The following EGFLAM variants were observed in gnomAD, a reference collection of about 807,000 sequenced individuals.
EGFLAM encodes the protein EGF like, fibronectin type III and laminin G domains, also known as pikachurin.
A neutral mutation model predicts 113.1 loss-of-function variants in EGFLAM; 79 were observed. The observed-to-expected ratio is 0.70, with a 90% confidence interval of 0.58 to 0.84. The LOEUF (loss-of-function observed/expected upper bound fraction) is 0.84, where lower values mean the gene tolerates loss of function less well. Among genes scored for constraint, EGFLAM ranks in the 40% least tolerant of loss-of-function variants. The probability of loss-of-function intolerance (pLI) is 0.00; values close to 1 mark genes in which losing one functional copy is unlikely to be tolerated. For missense variants in EGFLAM, 1,265 were observed against 1,291.6 expected, an observed-to-expected ratio of 0.98 and a Z score of 0.32; for synonymous variants, 504 against 487.6, an observed-to-expected ratio of 1.03 and a Z score of -0.44.
At chr5:38,272,881 C>A (rs1276164165) in intron 1 of EGFLAM, among the ~76,000 whole-genome samples, 1 of 151,798 alleles carries the variant, frequency 6.6e-6, no homozygotes, top group Non-Finnish European at 1.5e-5. Flanking sequence ...GATACATGTA[C>A]CAATGTCTGA....
rs765376468 is a variant in EGFLAM at position 38,463,947 on chromosome 5, C to T, written c.2991C>T (p.Ala997=). The change falls in exon 22 of 22, where the codon GCC becomes GCT. Residue 997 remains alanine (A), a synonymous_variant. Transcript: ENST00000322350. ...TDYHISLVED[A]VDGKNINTCG... is the part of the protein sequence containing the mutation. ...ACCACATTTCCCTCGTGGAAGATGC[C>T]GTGGATGGGAAAAACATCAACACTT... The T allele has an allele frequency of 2.5e-5, 40 of 1,614,092 alleles. No individual in the cohort carries two copies. Among genetic ancestry groups the T allele is most frequent in the African/African-American group, 5.3e-5 (4 of 74,922 alleles).
intron 6 of EGFLAM, among the ~76,000 whole-genome samples, chr5:38,385,317 A>G (rs1740633336): frequency 8.3e-6 from 1 of 119,784 alleles, no homozygotes; most frequent in Non-Finnish European, 1.7e-5. Context: ...ACAAACACCA[A>G]CATCCAAAGA....
chr5:38,408,955 G>GA, intron 9 of EGFLAM, 49 bp from the exon 10 acceptor site: 1 of 1,467,264 alleles, frequency 6.8e-7, no homozygotes, highest in Non-Finnish European at 9.4e-7. Flanking sequence ...GTGCCTTAAG[G>GA]AAGGGGAGGT....
intron 14 of EGFLAM, chr5:38,430,005 A>G: frequency 4.5e-6 from 1 of 220,152 alleles, no homozygotes; most frequent in Non-Finnish European, 9.8e-6. Flanking sequence ...CTCTGAAGAC[A>G]TCTTTATTGA....
intron 1 of EGFLAM, among the ~76,000 whole-genome samples, chr5:38,302,793 C>T (rs1184044087): frequency 6.6e-6 from 1 of 150,978 alleles, no homozygotes. Flanking sequence ...ATAGATTTTT[C>T]TAAAGCTTCC....
At chr5:38,331,178 G>A (rs1171825417) in intron 1 of EGFLAM, among the ~76,000 whole-genome samples, 2 of 152,104 alleles carry the variant, frequency 1.3e-5, no homozygotes, top group South Asian at 4.1e-4. Flanking sequence ...CCCCATGCAT[G>A]CATAGACTCC....
intron 1 of EGFLAM, among the ~76,000 whole-genome samples, chr5:38,326,103 C>T (rs1738873257): frequency 6.6e-6 from 1 of 152,132 alleles, no homozygotes; most frequent in Non-Finnish European, 1.5e-5. Context: ...CGCTCAGAAC[C>T]TTCATGAGGG....
Position 38,464,352 on chromosome 5 carries a change from C to T in EGFLAM, c.*366C>T, listed in dbSNP as rs558622759. On this transcript the variant is annotated 3_prime_UTR_variant, in exon 22 of 22. Transcript: ENST00000322350. ...AAAAGAGAGAGAGAGAGAAAGAATC[C>T]CACAGGGCACTATTAAAATACTTCT... is the stretch of plus-strand genomic sequence containing the variant. 3.5e-5 allele frequency: 7 copies of T among 197,672 alleles called. No individual in the cohort carries two copies. In the East Asian group the frequency reaches 6.3e-4, roughly 18 times the overall value. The allele number at this position is 197,672 out of a possible 1,614,324, so 12.2% of individuals were successfully genotyped here.
rs1002794613 is a variant in EGFLAM at position 38,279,015 on chromosome 5, T to C, written c.97+20164T>C. Among the ~76,000 whole-genome samples the C allele has an allele frequency of 3.3e-5, 5 of 152,028 alleles. 1 individual carries two copies. The East Asian group carries it at 5.8e-4, about 18-fold the overall frequency. On this transcript the variant is annotated intron_variant, in intron 1 of 21. Coordinates refer to ENST00000322350, the MANE Select transcript of EGFLAM (RefSeq NM_152403.4). ...TATATAAGGAACTAAAACAATTCAATAGTGAGAAAACAAATAACACAATTA... is the reference window on the plus strand; with the variant it reads ...TATATAAGGAACTAAAACAATTCAACAGTGAGAAAACAAATAACACAATTA...
intron 6 of EGFLAM, chr5:38,403,762 G>A (rs964950623): frequency 1.5e-5 from 23 of 1,584,646 alleles, no homozygotes; most frequent in Middle Eastern, 3.3e-4. Context: ...CAAAAATACA[G>A]ATAAGGGGGA....
At chr5:38,286,760 C>T (rs1354231175) in intron 1 of EGFLAM, among the ~76,000 whole-genome samples, 1 of 152,212 alleles carries the variant, frequency 6.6e-6, no homozygotes, top group East Asian at 1.9e-4. Flanking sequence ...CCATCGGCAC[C>T]ATCTTGCTAT....
intron 1 of EGFLAM, among the ~76,000 whole-genome samples, chr5:38,324,091 C>A (rs117041123): frequency 1.3e-5 from 2 of 151,710 alleles, no homozygotes; most frequent in East Asian, 3.9e-4. Context: ...CAAAGCTTTC[C>A]CTGATGATTC....
Position 38,418,099 on chromosome 5 carries a change from C to G in EGFLAM, c.1528C>G (p.Leu510Val), listed in dbSNP as rs149080700. ...CAGTAAAATTACTTTCCGGACACCT[C>G]TCTATCTTGGTGGCGCTCCCAGCGC... Reference protein sequence around the residue: ...QYSKITFRTPLYLGGAPSAYW... With the variant: ...QYSKITFRTPVYLGGAPSAYW... The change falls in exon 12 of 22, where the codon CTC becomes GTC. Residue 510 changes from leucine (L) to valine (V), a missense_variant. Transcript: ENST00000322350. The G allele has an allele frequency of 1.9e-6, 3 of 1,614,032 alleles. No homozygotes were observed. In the African/African-American group the frequency reaches 4.0e-5, roughly 22 times the overall value.
chr5:38,332,956 G>A (rs1739084197), intron 1 of EGFLAM, among the ~76,000 whole-genome samples: 1 of 152,176 alleles, frequency 6.6e-6, no homozygotes, highest in African/African-American at 2.4e-5. Context: ...GCCAGATTTG[G>A]AGGCCTGTTC....
At chr5:38,453,544 T>C (rs1017662265) in intron 19 of EGFLAM, among the ~76,000 whole-genome samples, 3 of 152,182 alleles carry the variant, frequency 2.0e-5, no homozygotes, top group African/African-American at 7.2e-5. Flanking sequence ...TGGAGACTCA[T>C]ATGTAGTTGA....
Position 38,354,742 on chromosome 5 carries a change from C to T in EGFLAM, c.545+2411C>T, listed in dbSNP as rs112062083. ...GAGATTCTGTCTCCCAAAAAAAAAT[C>T]CCAGTTTTTTATGTTTTTATGGTAG... On this transcript the variant is annotated intron_variant, in intron 5 of 21. Coordinates refer to ENST00000322350, the MANE Select transcript of EGFLAM (RefSeq NM_152403.4). 3.4e-4 allele frequency among the ~76,000 whole-genome samples: 52 copies of T among 152,206 alleles called. 1 individual carries two copies. Among genetic ancestry groups the T allele is most frequent in the African/African-American group, 1.2e-3 (51 of 41,518 alleles).
chr5:38,335,923 TTA>T (rs1384123978), intron 1 of EGFLAM, among the ~76,000 whole-genome samples: 21 of 152,350 alleles, frequency 1.4e-4, no homozygotes, highest in Admixed American at 1.3e-3. Context: ...CCAGGACATA[TTA>T]GTAAGTGGAA....
At chr5:38,381,124 T>A (rs1041367693) in intron 6 of EGFLAM, among the ~76,000 whole-genome samples, 2 of 152,210 alleles carry the variant, frequency 1.3e-5, no homozygotes, top group African/African-American at 4.8e-5. Flanking sequence ...CATTTTCACT[T>A]TGTTTCCTTT....
intron 17 of EGFLAM, among the ~76,000 whole-genome samples, chr5:38,439,276 A>ACC (rs1429522942): frequency 9.9e-5 from 15 of 152,154 alleles, no homozygotes. Flanking sequence ...GTACCTGCTT[A>ACC]TGGGAAGCTG....
Sources: allele counts gnomAD v4.1 joint callset (sites outside exome capture counted in the v4.1 genomes callset), GRCh38; gene constraint gnomAD v4.1.1; transcripts MANE v1.5; gene names NCBI Gene and HGNC (gene_info 2026-07-23, HGNC 2026-07-21).